Variants in LIPH observed in about 807,000 individuals in gnomAD.
The protein encoded by LIPH is lipase H, also known as lipase member H.
In LIPH, 32 loss-of-function variants were observed where a neutral mutation model predicts 47.6. The observed-to-expected ratio is 0.67, with a 90% CI of 0.51 to 0.90. LIPH has a LOEUF of 0.90. Ranked by LOEUF, LIPH falls within the 40% of genes least tolerant of loss-of-function variation. The pLI is 0.00. For missense variants in LIPH, 497 were observed against 541.4 expected, an observed-to-expected ratio of 0.92 and a Z score of 0.81; for synonymous variants, 190 against 195.6, an observed-to-expected ratio of 0.97 and a Z score of 0.24.
intron 4 of LIPH, among the ~76,000 whole-genome samples, chr3:185,526,698 A>ATAATATAATAT (rs1444683762): frequency 6.9e-6 from 1 of 144,636 alleles, no homozygotes; most frequent in African/African-American, 2.6e-5. Context: ...TAAAATAAAT[A>ATAATATAATAT]AAATAAAATA....
chr3:185,533,264 C>A (rs571388840), intron 3 of LIPH, among the ~76,000 whole-genome samples: 1 of 152,220 alleles, frequency 6.6e-6, no homozygotes, highest in African/African-American at 2.4e-5. Context: ...AGGAAGAGGA[C>A]TAACTGTTTG....
At chr3:185,517,692 G>A (rs1719774436) in intron 6 of LIPH, among the ~76,000 whole-genome samples, 1 of 152,106 alleles carries the variant, frequency 6.6e-6, no homozygotes, top group South Asian at 2.1e-4. Context: ...TAGCCCTAGA[G>A]AATGGCCTTC....
intron 5 of LIPH, 120 bp downstream of exon 5, chr3:185,523,951 A>G (rs1719985074): frequency 3.0e-6 from 2 of 677,616 alleles, no homozygotes; most frequent in Admixed American, 2.2e-5. Context: ...CAAACTCCTG[A>G]CCTCAGGTGA....
At chr3:185,552,266 G>T (rs866423128) in intron 1 of LIPH, among the ~76,000 whole-genome samples, 157 bp downstream of exon 1, 24 of 139,398 alleles carry the variant, frequency 1.7e-4, no homozygotes, top group South Asian at 7.9e-4. Context: ...TTAAGGAAAT[G>T]TTAAGGAAAT....
intron 1 of LIPH, among the ~76,000 whole-genome samples, chr3:185,544,727 A>G (rs957885119): frequency 1.3e-5 from 2 of 152,142 alleles, no homozygotes; most frequent in African/African-American, 4.8e-5. Flanking sequence ...CTTTTTCCAG[A>G]AAAACTCCCC....
intron 1 of LIPH, among the ~76,000 whole-genome samples, chr3:185,547,583 G>A (rs1482538162): frequency 3.3e-5 from 5 of 152,294 alleles, no homozygotes; most frequent in Non-Finnish European, 7.4e-5. Context: ...GGAGGCTGAG[G>A]AGGGTGGATT....
At chr3:185,519,553 G>A (rs1719835754) in intron 5 of LIPH, among the ~76,000 whole-genome samples, 1 of 151,842 alleles carries the variant, frequency 6.6e-6, no homozygotes, top group South Asian at 2.1e-4. Flanking sequence ...GAAAGACCCA[G>A]GGCCAGGTGC....
At chr3:185,524,005 A>T in intron 5 of LIPH, 66 bp downstream of exon 5, 1 of 1,094,578 alleles carries the variant, frequency 9.1e-7, no homozygotes, top group Non-Finnish European at 1.4e-6. Flanking sequence ...TACAGGCATG[A>T]GCCACCATGC....
rs1273377485 is a variant in LIPH, at chr3:185,517,088, C to G, written c.961G>C (p.Ala321Pro). Residue 321 changes from alanine (A) to proline (P), a missense_variant, in exon 7 of 10, where the codon GCT becomes CCT. Physicochemically the swap from Ala to Pro is conservative, Grantham distance 27 (BLOSUM62 -1). Transcript: ENST00000296252. Reference protein sequence around the residue: ...PPMTKAFFDTAEESPFCMYHY... With the variant: ...PPMTKAFFDTPEESPFCMYHY... ...TCACTGCAGAATGGGCTCTCCTCAG[C>G]TGTGTCAAAGAATGCCTTCGTCATT... 2 of 1,612,394 alleles carry G rather than the reference C, an allele frequency of 1.2e-6. No homozygotes were observed. The highest frequency in any genetic ancestry group is 2.2e-5 in the South Asian group (2 of 91,042).
rs1360993134 is a variant in LIPH, at chr3:185,538,936, CATATATAT to C, written c.50-3812_50-3805del. On this transcript the variant is annotated intron_variant, in intron 1 of 9. Transcript: ENST00000296252. ...ATATATACACATATACACATATATA[CATATATAT>C]ACATATATATACACATATATATATT... Among the ~76,000 whole-genome samples the C allele has an allele frequency of 2.2e-5, 3 of 135,450 alleles. 1 individual carries two copies. Among genetic ancestry groups the C allele is most frequent in the African/African-American group, 8.1e-5 (3 of 37,094 alleles). 88.9% of individuals were successfully genotyped at this position (135,450 alleles called of 152,430 possible).
intron 3 of LIPH, among the ~76,000 whole-genome samples, chr3:185,527,806 C>A (rs538371365): frequency 1.3e-5 from 2 of 148,724 alleles, no homozygotes; most frequent in African/African-American, 4.9e-5. Context: ...AGAATGGCAT[C>A]CAGACTCCAT....
At chr3:185,527,688 C>A in intron 3 of LIPH, 103 bp from the exon 4 acceptor site, 1 of 765,884 alleles carries the variant, frequency 1.3e-6, no homozygotes, top group East Asian at 2.6e-5. Flanking sequence ...TGCAGGGCAC[C>A]CTCAGGTGGG....
chr3:185,514,992 C>T (rs1719682403), intron 7 of LIPH, among the ~76,000 whole-genome samples: 1 of 152,030 alleles, frequency 6.6e-6, no homozygotes, highest in South Asian at 2.1e-4. Context: ...GGCTCCTGGG[C>T]CTTCACCCAC....
chr3:185,533,636 C>T lies in LIPH; in HGVS notation c.461G>A (p.Ser154Asn). The change falls in exon 3 of 10, where the codon AGT becomes AAT. Residue 154 changes from serine to asparagine, a missense_variant. Transcript: ENST00000296252. ...AAACCCAGATATGTGGGCTCCTAGA[C>T]TTACTCCGATCATGTAAATGTCATC... ...SLDDIYMIGV[S>N]LGAHISGFVG... 1.2e-6 allele frequency: 2 copies of T among 1,614,050 alleles called. No homozygotes were observed. Among genetic ancestry groups the T allele is most frequent in the Non-Finnish European group, 1.7e-6 (2 of 1,179,918 alleles).
intron 1 of LIPH, among the ~76,000 whole-genome samples, chr3:185,549,333 C>T (rs1720983677): frequency 6.6e-6 from 1 of 152,060 alleles, no homozygotes; most frequent in Admixed American, 6.6e-5. Context: ...TAAATATGCA[C>T]ATTCACACCC....
In LIPH at chr3:185,508,392, GC is replaced by G; in HGVS notation, c.*397del. 4.2e-6 allele frequency: 1 copy of G among 236,094 alleles called. No individual in the cohort carries two copies. The highest frequency in any genetic ancestry group is 9.4e-5 in the East Asian group (1 of 10,668). 14.6% of individuals were successfully genotyped at this position (236,094 alleles called of 1,614,324 possible). A position where few individuals can be genotyped will look rare whatever the true frequency, so the allele number is the denominator to read the frequency against. On this transcript the variant is annotated 3_prime_UTR_variant, in exon 10 of 10. Transcript: ENST00000296252. ...TACGTGTGGGAACTGGAGGAATGTG[GC>G]ACGGAGAATGCAGAGTTGAGTCCAC...
rs773821673 is a variant in LIPH, at chr3:185,511,705, G to A, written c.1095-8C>T. 6.2e-7 allele frequency: 1 copy of A among 1,602,348 alleles called. No individual in the cohort carries two copies. ...TGAAATGTGGTGGGTTCACTGGAAG[G>A]AAGAAGTAATACTGAAAAATGGATA... On this transcript the variant is annotated splice_polypyrimidine_tract_variant and splice_region_variant and intron_variant, in intron 8 of 9. Transcript: ENST00000296252.
chr3:185,506,851 A>C lies in LIPH; in HGVS notation c.*1939T>G, dbSNP rs1189451902. ...CATCTAAAAAAAAAAAAAAAAAAAA[A>C]AAAAAAAAACCAGGGCCTACAGCAC... On this transcript the variant is annotated 3_prime_UTR_variant, in exon 10 of 10. Coordinates refer to ENST00000296252, the MANE Select transcript of LIPH (RefSeq NM_139248.3). The C allele has an allele frequency of 1.3e-5, 2 of 150,550 alleles. No individual in the cohort carries two copies. Among genetic ancestry groups the C allele is most frequent in the Non-Finnish European group, 2.9e-5 (2 of 67,824 alleles). 9.3% of individuals were successfully genotyped at this position (150,550 alleles called of 1,614,324 possible). A position where few individuals can be genotyped will look rare whatever the true frequency, so the allele number is the denominator to read the frequency against.
At chr3:185,531,689 T>C (rs1191448788) in intron 3 of LIPH, among the ~76,000 whole-genome samples, 1 of 151,948 alleles carries the variant, frequency 6.6e-6, no homozygotes. Context: ...AAGGCCAACC[T>C]GGGCAACAAC....
Sources: allele counts gnomAD v4.1 joint callset (sites outside exome capture counted in the v4.1 genomes callset), GRCh38; gene constraint gnomAD v4.1.1; transcripts MANE v1.5; gene names NCBI Gene and HGNC (gene_info 2026-07-23, HGNC 2026-07-21).